Variants in LITAF observed in about 807,000 individuals in gnomAD.
LITAF encodes lipopolysaccharide induced TNF factor.
In LITAF, 9 loss-of-function variants were observed where a neutral mutation model predicts 14.5. The ratio of observed to expected loss-of-function variants is 0.62; its 90% confidence interval spans 0.37 to 1.08. LITAF has a LOEUF of 1.08. LITAF is among the 50% of genes least tolerant of loss of function. The pLI is 0.01. For synonymous variants in LITAF, 98 were observed against 88.2 expected (o/e 1.11, Z -0.62); for missense variants, 206 against 213.4 (o/e 0.97, Z 0.22).
upstream of LITAF, among the ~76,000 whole-genome samples, chr16:11,591,121 G>A (rs2141850387): frequency 8.4e-6 from 1 of 118,958 alleles, no homozygotes; most frequent in Middle Eastern, 4.3e-3. Flanking sequence ...GGAATTACAA[G>A]GGATTTCAAA....
rs1390426842 is a variant in LITAF, at chr16:11,632,462, A to T, written c.85+1071T>A. 6.6e-6 allele frequency among the ~76,000 whole-genome samples: 1 copy of T among 152,052 alleles called. No individual in the cohort carries two copies. The highest frequency in any genetic ancestry group is 1.5e-5 in the Non-Finnish European group (1 of 68,002). ...CTGTCTGCTGGAAACCCTGTTGACA[A>T]AGGAGGAAGCAACCCAGGGAAGCTC... On this transcript the variant is annotated intron_variant, in intron 3 of 3. Coordinates refer to the LITAF transcript ENST00000574848. This position sits in a 1 kb window ranked among gnomAD's most constrained non-coding sequence, Gnocchi z 4.8.
At chr16:11,620,106 T>C (rs2065040924) in intron 3 of LITAF, among the ~76,000 whole-genome samples, 1 of 144,448 alleles carries the variant, frequency 6.9e-6, no homozygotes, top group Non-Finnish European at 1.5e-5. Context: ...AGGCAGAGGC[T>C]GCAGAGAGCC....
chr16:11,584,547 T>C (rs8054918), intron 1 of LITAF, among the ~76,000 whole-genome samples: 90,871 of 152,090 alleles, frequency 0.6, 28,590 homozygotes, highest in African/African-American at 0.8. Flanking sequence ...TCTGTACCTC[T>C]TCCACAGCTC....
chr16:11,560,040 T>C (rs902641843), intron 1 of LITAF, among the ~76,000 whole-genome samples: 1 of 152,120 alleles, frequency 6.6e-6, no homozygotes, highest in Non-Finnish European at 1.5e-5. Context: ...CTCACGACTA[T>C]AATCCCAGTA....
At chr16:11,611,455 G>C (rs773494807) in intron 3 of LITAF, among the ~76,000 whole-genome samples, 5 of 152,076 alleles carry the variant, frequency 3.3e-5, no homozygotes, top group Non-Finnish European at 7.4e-5. Flanking sequence ...AAAATCATTT[G>C]TTGTTTCTCT....
At chr16:11,584,832 C>G (rs561862015) in intron 1 of LITAF, among the ~76,000 whole-genome samples, 1 of 152,086 alleles carries the variant, frequency 6.6e-6, no homozygotes, top group Non-Finnish European at 1.5e-5. Flanking sequence ...CTCAACAGCC[C>G]GCCCATAAAA....
At chr16:11,633,834 G>A (rs2065128312) in intron 2 of LITAF, among the ~76,000 whole-genome samples, 2 of 151,980 alleles carry the variant, frequency 1.3e-5, no homozygotes, top group African/African-American at 4.8e-5. Flanking sequence ...TTTCTTGCAC[G>A]AGACCCAAGA....
chr16:11,566,571 C>T (rs375124789), intron 1 of LITAF, among the ~76,000 whole-genome samples: 110 of 152,220 alleles, frequency 7.2e-4, no homozygotes, highest in African/African-American at 2.5e-3. Context: ...CGAGACCGGC[C>T]CGGGCAACAT....
At position 11,549,103 on chromosome 16, in the gene LITAF, G is replaced by A. The variant is rs139403614; in HGVS notation, c.*534C>T. ...GTGAATCTGTGTGCTAATGAAGTCT[G>A]CAGTTACAGAATCTCAAAGCCAAGC... On this transcript the variant is annotated 3_prime_UTR_variant, in exon 4 of 4. Coordinates refer to ENST00000622633, the MANE Select transcript of LITAF (RefSeq NM_001136472.2). The surrounding 1 kb of genome is among the most constrained non-coding windows in gnomAD (Gnocchi z 4.6). The A allele has an allele frequency of 6.6e-6, 3 of 454,056 alleles. No homozygotes were observed. Among genetic ancestry groups the A allele is most frequent in the East Asian group, 6.9e-5 (1 of 14,394 alleles). 28.1% of individuals were successfully genotyped at this position (454,056 alleles called of 1,614,324 possible). A position where few individuals can be genotyped will look rare whatever the true frequency, so the allele number is the denominator to read the frequency against.
At chr16:11,573,360 G>A (rs1597349093) in intron 1 of LITAF, among the ~76,000 whole-genome samples, 1 of 152,158 alleles carries the variant, frequency 6.6e-6, no homozygotes, top group Non-Finnish European at 1.5e-5. Flanking sequence ...GATAAACTGA[G>A]GCTCCTGCAA....
rs373774993 is a variant in LITAF at position 11,626,618 on chromosome 16, G to A, written c.85+6915C>T. ...CTCCCAAAGTGCTGGGATTACAGGCGTGAGCCACCGCGCCCAGCCTGTAAT... is the reference window on the plus strand; with the variant it reads ...CTCCCAAAGTGCTGGGATTACAGGCATGAGCCACCGCGCCCAGCCTGTAAT... On this transcript the variant is annotated intron_variant, in intron 3 of 3. Coordinates refer to the LITAF transcript ENST00000574848. 5.3e-4 allele frequency among the ~76,000 whole-genome samples: 81 copies of A among 152,260 alleles called. 1 individual carries two copies. The highest frequency in any genetic ancestry group is 3.4e-3 in the Middle Eastern group (1 of 294).
chr16:11,554,280 T>A (rs11642799), intron 2 of LITAF, among the ~76,000 whole-genome samples: 15,215 of 152,028 alleles, frequency 0.1, 789 homozygotes, highest in African/African-American at 0.11. Context: ...GCCTAGCAGC[T>A]CTTGATAAAT....
upstream of LITAF, among the ~76,000 whole-genome samples, chr16:11,638,701 C>CAAAAAAAAAAA (rs57170972): frequency 7.9e-5 from 6 of 75,952 alleles, no homozygotes; most frequent in South Asian, 4.5e-4. Context: ...GACTCTGTCT[C>CAAAAAAAAAAA]AAAAAAAAAA....
At chr16:11,604,680 G>T (rs1042419420) in intron 3 of LITAF, among the ~76,000 whole-genome samples, 1 of 149,894 alleles carries the variant, frequency 6.7e-6, no homozygotes, top group Non-Finnish European at 1.5e-5. Context: ...TCTACTAGGT[G>T]GTGGCCACAG....
rs534027204 is a variant in LITAF, at chr16:11,608,813, A to G, written c.85+24720T>C. 3.4e-4 allele frequency among the ~76,000 whole-genome samples: 52 copies of G among 152,206 alleles called. No homozygotes were observed. The East Asian group carries it at 7.7e-3, about 23-fold the overall frequency. ...CCCTGTCTCTACTAAAAATACAAAAATTAGCTGGGCATGGTGCCGCATGTC... is the reference window on the plus strand; with the variant it reads ...CCCTGTCTCTACTAAAAATACAAAAGTTAGCTGGGCATGGTGCCGCATGTC... On this transcript the variant is annotated intron_variant, in intron 3 of 3. Coordinates refer to the LITAF transcript ENST00000574848.
At chr16:11,576,630 G>A (rs553062716) in intron 1 of LITAF, among the ~76,000 whole-genome samples, 2 of 151,270 alleles carry the variant, frequency 1.3e-5, no homozygotes, top group Non-Finnish European at 2.9e-5. Context: ...CACGGTCCCA[G>A]GCTGCCAACA....
At chr16:11,576,534 C>CAAAA (rs66551972) in intron 1 of LITAF, among the ~76,000 whole-genome samples, 3 of 62,956 alleles carry the variant, frequency 4.8e-5, no homozygotes, top group African/African-American at 1.6e-4. Context: ...TTACAATCTG[C>CAAAA]AAAAAAAAAA....
chr16:11,639,876 G>A (rs2065157744), upstream of LITAF, among the ~76,000 whole-genome samples: 1 of 152,098 alleles, frequency 6.6e-6, no homozygotes, highest in Non-Finnish European at 1.5e-5. Flanking sequence ...CTAAGCTCAA[G>A]AGATCCTACC....
chr16:11,631,418 C>T (rs1406103473), intron 3 of LITAF, among the ~76,000 whole-genome samples: 1 of 152,128 alleles, frequency 6.6e-6, no homozygotes, highest in African/African-American at 2.4e-5. Context: ...GTTGTTGAGA[C>T]AGGGTCTCAC....
Sources: gnomAD v4.1 joint callset for allele counts (sites outside exome capture counted in the v4.1 genomes callset) on GRCh38, gnomAD v4.1.1 for gene constraint, Gnocchi (gnomAD v3.1) non-coding constraint, MANE v1.5 for transcripts, NCBI Gene and HGNC (gene_info 2026-07-23, HGNC 2026-07-21) for gene names.